EVA1A: variants seen among roughly 807,000 people sequenced by gnomAD.
The protein encoded by EVA1A is eva-1 homolog A, regulator of programmed cell death, also known as protein eva-1 homolog A.
In EVA1A, 7 loss-of-function variants were observed where a neutral mutation model predicts 9.8. The ratio of observed to expected loss-of-function variants is 0.71; its 90% CI spans 0.41 to 1.34. The LOEUF is 1.34. Among genes scored for constraint, EVA1A ranks in the 40% most tolerant of loss-of-function variants. The pLI, the probability that EVA1A is intolerant of heterozygous loss-of-function variation, is 0.01. For synonymous variants in EVA1A, 90 were observed against 85.6 expected, an observed-to-expected ratio of 1.05 and a Z score of -0.28; for missense variants, 206 against 205.9, an observed-to-expected ratio of 1.00 and a Z score of 0.00.
At chr2:75,520,511 A>T (rs78309436) in intron 2 of EVA1A, among the ~76,000 whole-genome samples, 2,408 of 152,312 alleles carry the variant, frequency 0.016, 60 homozygotes, top group African/African-American at 0.056. Context: ...GCTTAATGGA[A>T]TAGAATAGAA....
Position 75,496,254 on chromosome 2 carries a change from C to T in EVA1A, c.86-2645G>A, listed in dbSNP as rs375716088. ...GAGAGGAAGTCAAACTATCACTTTT[C>T]GCAGACAATATGATTCTATACCCAG... On this transcript the variant is annotated intron_variant, in intron 3 of 3. Transcript: ENST00000393913. 8.7e-4 allele frequency among the ~76,000 whole-genome samples: 132 copies of T among 152,246 alleles called. 2 individuals carry two copies. Among genetic ancestry groups the T allele is most frequent in the African/African-American group, 3.0e-3 (123 of 41,548 alleles).
rs75390088 is a variant in EVA1A, at chr2:75,526,657, A to G, written c.-191-4170T>C. Among the ~76,000 whole-genome samples the G allele has an allele frequency of 4.6e-3, 706 of 152,320 alleles. 6 individuals carry two copies. The highest frequency in any genetic ancestry group is 0.016 in the African/African-American group (684 of 41,572). ...GAGTAAAGAAAAGCACTGGAGACAGAAGGAAGAGCAGGAGCTAAAGTACAC... is the reference window on the plus strand; with the variant it reads ...GAGTAAAGAAAAGCACTGGAGACAGGAGGAAGAGCAGGAGCTAAAGTACAC... On this transcript the variant is annotated intron_variant, in intron 1 of 3. Coordinates refer to ENST00000393913, the MANE Select transcript of EVA1A (RefSeq NM_001135032.2).
At chr2:75,508,501 G>T (rs908480371) in intron 3 of EVA1A, among the ~76,000 whole-genome samples, 5 of 152,064 alleles carry the variant, frequency 3.3e-5, no homozygotes, top group African/African-American at 7.2e-5. Flanking sequence ...TTTTTGGTCA[G>T]ACCGGTTGCT....
upstream of EVA1A, among the ~76,000 whole-genome samples, chr2:75,562,145 A>G (rs540904126): frequency 6.6e-6 from 1 of 152,316 alleles, no homozygotes; most frequent in South Asian, 2.1e-4. Context: ...TGTGCATTAG[A>G]ATTTGGAAGC....
chr2:75,554,274 T>C (rs1359440180), intron 1 of EVA1A, among the ~76,000 whole-genome samples: 1 of 152,172 alleles, frequency 6.6e-6, no homozygotes, highest in Non-Finnish European at 1.5e-5. Flanking sequence ...AAGTTTATGG[T>C]TGCTTCTCTA....
upstream of EVA1A, among the ~76,000 whole-genome samples, chr2:75,563,266 G>A (rs2104003294): frequency 6.6e-6 from 1 of 152,342 alleles, no homozygotes; most frequent in Non-Finnish European, 1.5e-5. Flanking sequence ...GGACAGAAGT[G>A]CATCCGTTGC....
At chr2:75,556,939 C>T (rs1362429032) in intron 1 of EVA1A, among the ~76,000 whole-genome samples, 2 of 152,306 alleles carry the variant, frequency 1.3e-5, no homozygotes, top group Middle Eastern at 3.4e-3. Context: ...TTGAGGACCT[C>T]ACCATGGGGA....
intron 1 of EVA1A, among the ~76,000 whole-genome samples, chr2:75,553,622 C>T (rs533870708): frequency 1.3e-5 from 2 of 152,208 alleles, no homozygotes; most frequent in Non-Finnish European, 2.9e-5. Flanking sequence ...CAAGCTGTCT[C>T]TGTGAGCACA....
chr2:75,537,016 T>A (rs190103961), intron 1 of EVA1A, among the ~76,000 whole-genome samples: 3 of 151,884 alleles, frequency 2.0e-5, no homozygotes, highest in African/African-American at 7.3e-5. Context: ...AAAAGAAAAC[T>A]CAAAGCCATC....
intron 3 of EVA1A, among the ~76,000 whole-genome samples, chr2:75,510,593 T>C (rs1187715073): frequency 2.0e-5 from 3 of 152,210 alleles, no homozygotes; most frequent in Non-Finnish European, 4.4e-5. Context: ...ACAGCATAAC[T>C]GTACTTGCAG....
At position 75,523,165 on chromosome 2, in the gene EVA1A, C is replaced by T. The variant is rs149635128; in HGVS notation, c.-191-678G>A. Among the ~76,000 whole-genome samples the T allele has an allele frequency of 1.1e-3, 167 of 152,304 alleles. 4 individuals carry two copies. The East Asian group carries it at 0.029, about 26-fold the overall frequency. ...ACACCCTTCCAACTACTGTGGCTTC[C>T]GACTTCTGCTTATTGATTACTTTAT... On this transcript the variant is annotated intron_variant, in intron 1 of 3. Coordinates refer to ENST00000393913, the MANE Select transcript of EVA1A (RefSeq NM_001135032.2).
chr2:75,508,083 T>C (rs1021181901), intron 3 of EVA1A, among the ~76,000 whole-genome samples: 3 of 152,234 alleles, frequency 2.0e-5, no homozygotes, highest in Non-Finnish European at 2.9e-5. Flanking sequence ...CCTATGCCTG[T>C]CTTTACTTTT....
At chr2:75,555,797 A>G (rs932099878) in intron 1 of EVA1A, among the ~76,000 whole-genome samples, 1 of 152,090 alleles carries the variant, frequency 6.6e-6, no homozygotes, top group African/African-American at 2.4e-5. Flanking sequence ...ATATGCCTAC[A>G]TGTCTTCCAG....
At chr2:75,494,210 C>A (rs1409053172) in intron 3 of EVA1A, among the ~76,000 whole-genome samples, 1 of 152,114 alleles carries the variant, frequency 6.6e-6, no homozygotes, top group Admixed American at 6.5e-5. Context: ...ACATGTAGAT[C>A]GAAAATACAT....
chr2:75,494,437 C>T (rs1233490413), intron 3 of EVA1A, among the ~76,000 whole-genome samples: 1 of 152,174 alleles, frequency 6.6e-6, no homozygotes, highest in Non-Finnish European at 1.5e-5. Context: ...GTGATTTTGT[C>T]TTGTTCTCTT....
intron 1 of EVA1A, among the ~76,000 whole-genome samples, chr2:75,537,809 C>T (rs2588493): frequency 1 from 152,028 of 152,328 alleles, 75,866 homozygotes; most frequent in Middle Eastern, 1. Flanking sequence ...TCTTACCATA[C>T]AACATGCCTG....
chr2:75,530,979 A>G (rs913732489), intron 1 of EVA1A, among the ~76,000 whole-genome samples: 1 of 152,200 alleles, frequency 6.6e-6, no homozygotes, highest in Non-Finnish European at 1.5e-5. Context: ...TTTGATGATG[A>G]TGTTATCATA....
intron 2 of EVA1A, among the ~76,000 whole-genome samples, chr2:75,520,086 T>A (rs892902286): frequency 6.6e-6 from 1 of 152,158 alleles, no homozygotes; most frequent in Non-Finnish European, 1.5e-5. Flanking sequence ...ATGTATCTCC[T>A]ATCCAAGCTG....
At chr2:75,531,736 T>C (rs1675657775) in intron 1 of EVA1A, among the ~76,000 whole-genome samples, 1 of 152,086 alleles carries the variant, frequency 6.6e-6, no homozygotes, top group African/African-American at 2.4e-5. Context: ...ATAAGAATAA[T>C]ACAGTGCAGT....
Sources: gnomAD v4.1 joint callset for allele counts (sites outside exome capture counted in the v4.1 genomes callset) on GRCh38, gnomAD v4.1.1 for gene constraint, MANE v1.5 for transcripts, NCBI Gene and HGNC (gene_info 2026-07-23, HGNC 2026-07-21) for gene names.